Variants in USP25 observed in about 807,000 individuals in gnomAD.
USP25 encodes the protein ubiquitin carboxyl-terminal hydrolase 25.
Under a neutral mutation model 158.5 loss-of-function variants are expected in USP25, and 85 were observed. The ratio of observed to expected loss-of-function variants is 0.54; its 90% CI spans 0.45 to 0.64. The LOEUF is 0.64. Among genes scored for constraint, USP25 ranks in the 30% least tolerant of loss-of-function variants. USP25 has a pLI of 0.00. For synonymous variants in USP25, 464 were observed against 460.4 expected, an observed-to-expected ratio of 1.01 and a Z score of -0.10; for missense variants, 1,242 against 1,327.3, an observed-to-expected ratio of 0.94 and a Z score of 1.00.
chr21:15,785,412 T>A (rs1487163836), intron 4 of USP25, among the ~76,000 whole-genome samples: 1 of 152,196 alleles, frequency 6.6e-6, no homozygotes, highest in African/African-American at 2.4e-5. Flanking sequence ...TACACATTCT[T>A]TTCAACTGTG....
chr21:15,838,590 G>T (rs1032770009), intron 17 of USP25, among the ~76,000 whole-genome samples: 1 of 152,084 alleles, frequency 6.6e-6, no homozygotes, highest in Non-Finnish European at 1.5e-5. Flanking sequence ...AACCACCTAA[G>T]CGTGGCTCTT....
chr21:15,877,763 CCTATT>C (rs778242521), intron 24 of USP25, 28 bp from the exon 25 acceptor site: 9 of 1,486,224 alleles, frequency 6.1e-6, no homozygotes, highest in Non-Finnish European at 4.6e-6. Flanking sequence ...GAAACAAAAA[CCTATT>C]CTTTTTTTTT....
intron 19 of USP25, among the ~76,000 whole-genome samples, chr21:15,848,209 A>G (rs1406746017): frequency 1.3e-5 from 2 of 152,144 alleles, no homozygotes; most frequent in African/African-American, 2.4e-5. Flanking sequence ...TGGATAATTG[A>G]TATTTTTGCT....
chr21:15,737,206 G>A (rs1601234242), intron 1 of USP25, among the ~76,000 whole-genome samples: 1 of 151,896 alleles, frequency 6.6e-6, no homozygotes, highest in South Asian at 2.1e-4. Context: ...TAACTTTTTA[G>A]TTTGATTATC....
chr21:15,803,396 A>T (rs1247479239), intron 6 of USP25, among the ~76,000 whole-genome samples: 1 of 151,838 alleles, frequency 6.6e-6, no homozygotes, highest in Non-Finnish European at 1.5e-5. Flanking sequence ...TATATAAAGG[A>T]TAATACCTCA....
intron 5 of USP25, among the ~76,000 whole-genome samples, chr21:15,796,502 G>A (rs1275534098): frequency 1.3e-5 from 2 of 151,446 alleles, no homozygotes; most frequent in Non-Finnish European, 3.0e-5. Context: ...CTGCTGCGTA[G>A]TTGAGGAACT....
Position 15,830,521 on chromosome 21 carries a change from A to G in USP25, c.1694-10A>G, listed in dbSNP as rs200973502. On this transcript the variant is annotated splice_polypyrimidine_tract_variant and intron_variant, in intron 14 of 25. Transcript: ENST00000400183. The stretch of plus-strand genomic sequence containing the variant: ...GCTGTTAATCATTAAATGACACCTT[A>G]TATCCTTAGATTTGCAGGAAAGCAT... 6 of 1,599,738 alleles carry G rather than the reference A, an allele frequency of 3.8e-6. No individual in the cohort carries two copies. In the African/African-American group the frequency reaches 5.4e-5, roughly 14 times the overall value.
At chr21:15,860,083 G>T (rs2039358715) in intron 20 of USP25, among the ~76,000 whole-genome samples, 1 of 150,622 alleles carries the variant, frequency 6.6e-6, no homozygotes, top group African/African-American at 2.4e-5. Context: ...TTGCCTCCCG[G>T]GTTCAAGTGA....
rs1568882596 is a variant in USP25, at chr21:15,846,147, TATATATA to T, written c.2338-1515_2338-1509del. Among the ~76,000 whole-genome samples, 137 of 69,388 alleles carry T rather than the reference TATATATA, an allele frequency of 2.0e-3. 3 individuals are homozygous for T. The highest frequency in any genetic ancestry group is 0.01 in the African/African-American group (127 of 12,284). The allele number at this position is 69,388 out of a possible 152,430, so 45.5% of individuals were successfully genotyped here. A position where few individuals can be genotyped will look rare whatever the true frequency, so the allele number is the denominator to read the frequency against. On this transcript the variant is annotated intron_variant, in intron 18 of 25. Coordinates refer to ENST00000400183, the MANE Select transcript of USP25 (RefSeq NM_001283041.3). The stretch of plus-strand genomic sequence containing the variant: ...GTATATATATATATATATATATATA[TATATATA>T]TATATTTTTTTTTTTTTTTTTTTTT...
intron 1 of USP25, among the ~76,000 whole-genome samples, chr21:15,754,699 C>G (rs1449475034): frequency 6.6e-6 from 1 of 152,160 alleles, no homozygotes; most frequent in Non-Finnish European, 1.5e-5. Flanking sequence ...GGTAGGGACT[C>G]TAGCATGCAG....
intron 4 of USP25, among the ~76,000 whole-genome samples, chr21:15,785,625 C>T (rs537916437): frequency 3.3e-5 from 5 of 152,052 alleles, no homozygotes; most frequent in East Asian, 1.9e-4. Context: ...GACAAAGGAG[C>T]GTGGAAACAC....
At chr21:15,813,079 G>C (rs1175462898) in intron 9 of USP25, among the ~76,000 whole-genome samples, 2 of 142,478 alleles carry the variant, frequency 1.4e-5, no homozygotes, top group African/African-American at 5.3e-5. Context: ...CATCTTTTCT[G>C]TGTCTGTACT....
chr21:15,874,275 T>A, intron 23 of USP25, 128 bp from the exon 24 acceptor site: 1 of 822,608 alleles, frequency 1.2e-6, no homozygotes, highest in Non-Finnish European at 1.8e-6. Context: ...CTGCGTCAGA[T>A]GATATTTTTT....
chr21:15,831,619 C>G lies in USP25; in HGVS notation c.1983C>G (p.Phe661Leu). The G allele has an allele frequency of 1.2e-6, 2 of 1,612,744 alleles. No homozygotes were observed. The highest frequency in any genetic ancestry group is 1.7e-6 in the Non-Finnish European group (2 of 1,179,164). Residue 661 changes from phenylalanine (F) to leucine (L), a missense_variant, in exon 16 of 26, where the codon TTC becomes TTG. Phe to Leu is a conservative substitution (Grantham distance 22, BLOSUM62 0). Transcript: ENST00000400183. ...CLMYINDKAQ[F>L]LIQEEFNKET... is the part of the protein sequence containing the mutation. ...TGTACATAAATGATAAGGCACAGTT[C>G]CTAATACAAGGTAAGAATATATAGG...
chr21:15,808,508 TA>T (rs1274298922), intron 7 of USP25, among the ~76,000 whole-genome samples: 6 of 152,228 alleles, frequency 3.9e-5, no homozygotes, highest in African/African-American at 1.4e-4. Flanking sequence ...GAGTAATGAT[TA>T]TTTTTTAAAA....
intron 7 of USP25, among the ~76,000 whole-genome samples, chr21:15,807,315 A>C (rs946956112): frequency 3.9e-5 from 6 of 152,160 alleles, no homozygotes; most frequent in African/African-American, 1.4e-4. Flanking sequence ...AAAGATAGGG[A>C]TTAACTTCTG....
At chr21:15,800,596 T>C (rs1003795472) in intron 6 of USP25, among the ~76,000 whole-genome samples, 3 of 151,190 alleles carry the variant, frequency 2.0e-5, no homozygotes, top group Admixed American at 6.6e-5. Context: ...TTATACCTAA[T>C]GGAAAAAATT....
At chr21:15,811,650 G>A (rs2036666457) in intron 9 of USP25, among the ~76,000 whole-genome samples, 1 of 152,120 alleles carries the variant, frequency 6.6e-6, no homozygotes, top group African/African-American at 2.4e-5. Flanking sequence ...GATTTTAAAT[G>A]TAGATATTAG....
At position 15,753,366 on chromosome 21, in the gene USP25, T is replaced by G. The variant is rs562348384; in HGVS notation, c.46-9525T>G. Among the ~76,000 whole-genome samples the G allele has an allele frequency of 7.2e-4, 110 of 152,268 alleles. 2 individuals carry two copies. The highest frequency in any genetic ancestry group is 3.4e-3 in the Middle Eastern group (1 of 294). On this transcript the variant is annotated intron_variant, in intron 1 of 25. Transcript: ENST00000400183. ...CTCACAGGGTTTGGGAAAAAACAGG[T>G]GGCAAGGTAGGAGGTTGTAAACAGG...
Sources: allele counts gnomAD v4.1 joint callset (sites outside exome capture counted in the v4.1 genomes callset), GRCh38; gene constraint gnomAD v4.1.1; transcripts MANE v1.5; gene names NCBI Gene and HGNC (gene_info 2026-07-23, HGNC 2026-07-21).